The following AGBL4 variants were observed in gnomAD, a reference collection of about 807,000 sequenced individuals.
The protein encoded by AGBL4 is cytosolic carboxypeptidase 6.
In AGBL4, 58 loss-of-function variants were observed where a neutral mutation model predicts 66.4. The ratio of observed to expected loss-of-function variants is 0.87; its 90% CI spans 0.71 to 1.09. The LOEUF is 1.09. AGBL4 is among the 50% of genes least tolerant of loss of function. The probability of loss-of-function intolerance (pLI) is 0.00; values close to 1 mark genes in which losing one functional copy is unlikely to be tolerated. For missense variants in AGBL4, 579 were observed against 631.0 expected (o/e 0.92, Z 0.88); for synonymous variants, 234 against 222.9 (o/e 1.05, Z -0.44).
At chr1:49,877,657 A>G (rs1252474906) in intron 1 of AGBL4, among the ~76,000 whole-genome samples, 2 of 151,982 alleles carry the variant, frequency 1.3e-5, no homozygotes, top group East Asian at 1.9e-4. Context: ...TTGGTATCAG[A>G]ATGATGCTGG....
At chr1:49,764,315 C>A (rs1652573834) in intron 2 of AGBL4, among the ~76,000 whole-genome samples, 1 of 152,166 alleles carries the variant, frequency 6.6e-6, no homozygotes, top group South Asian at 2.1e-4. Flanking sequence ...CCCTAGCCCT[C>A]CCGAATGAAA....
At chr1:49,058,558 G>A (rs750650725) in intron 4 of AGBL4, among the ~76,000 whole-genome samples, 3 of 152,176 alleles carry the variant, frequency 2.0e-5, no homozygotes, top group Non-Finnish European at 4.4e-5. Flanking sequence ...CTTCATAGCA[G>A]CCTGAGAAAG....
chr1:48,955,865 G>A (rs1657409522), intron 5 of AGBL4, among the ~76,000 whole-genome samples: 1 of 152,260 alleles, frequency 6.6e-6, no homozygotes, highest in South Asian at 2.1e-4. Flanking sequence ...TAACACAGGT[G>A]TAAAATGTCC....
intron 6 of AGBL4, among the ~76,000 whole-genome samples, chr1:48,807,031 G>T (rs992591802): frequency 6.6e-6 from 1 of 152,140 alleles, no homozygotes; most frequent in East Asian, 1.9e-4. Context: ...GTTAGTATAC[G>T]TAAGTTCTTC....
At chr1:49,577,821 A>G (rs530796739) in intron 3 of AGBL4, among the ~76,000 whole-genome samples, 62 of 152,332 alleles carry the variant, frequency 4.1e-4, no homozygotes, top group African/African-American at 1.5e-3. Flanking sequence ...TACAATGCCA[A>G]CTAGGTTACA....
In AGBL4 at chr1:48,864,841, A is replaced by T. The variant is rs59728902; in HGVS notation, c.634+2350T>A. On this transcript the variant is annotated intron_variant, in intron 6 of 13. Transcript: ENST00000371839. ...GTTACATTTATAATTTTCGTCCAAA[A>T]ATAGGTGACTCTGGCATATAAGACA... is the stretch of plus-strand genomic sequence containing the variant. Among the ~76,000 whole-genome samples, 11 of 152,222 alleles carry T rather than the reference A, an allele frequency of 7.2e-5. No homozygotes were observed. The East Asian group carries it at 2.1e-3, about 29-fold the overall frequency.
At chr1:49,605,609 T>A (rs1026982740) in intron 3 of AGBL4, among the ~76,000 whole-genome samples, 7 of 152,182 alleles carry the variant, frequency 4.6e-5, no homozygotes, top group Admixed American at 3.9e-4. Flanking sequence ...GCAGCTAAAT[T>A]TCAGTTAACT....
intron 6 of AGBL4, among the ~76,000 whole-genome samples, chr1:48,864,133 T>C (rs1328868260): frequency 6.6e-6 from 1 of 151,924 alleles, no homozygotes; most frequent in African/African-American, 2.4e-5. Flanking sequence ...ATAAAGGATA[T>C]GAAAAATCAA....
At chr1:49,547,962 C>CG (rs1217389741) in intron 3 of AGBL4, among the ~76,000 whole-genome samples, 1 of 151,830 alleles carries the variant, frequency 6.6e-6, no homozygotes, top group Non-Finnish European at 1.5e-5. Flanking sequence ...TTAGTAGAGA[C>CG]GGGGTTTCAC....
intron 5 of AGBL4, among the ~76,000 whole-genome samples, chr1:48,983,965 G>GC: frequency 1.3e-5 from 2 of 152,258 alleles, no homozygotes; most frequent in African/African-American, 4.8e-5. Flanking sequence ...AGGGAACACA[G>GC]CAAGGAAGGA....
At chr1:49,717,317 G>C (rs915540318) in intron 2 of AGBL4, among the ~76,000 whole-genome samples, 1 of 152,058 alleles carries the variant, frequency 6.6e-6, no homozygotes, top group South Asian at 2.1e-4. Flanking sequence ...TCCCCATCAA[G>C]CTACCACTGA....
intron 1 of AGBL4, among the ~76,000 whole-genome samples, chr1:49,864,230 AAG>A (rs1646645460): frequency 6.6e-6 from 1 of 152,162 alleles, no homozygotes; most frequent in Non-Finnish European, 1.5e-5. Flanking sequence ...CTAATAGACA[AAG>A]AGAGTAGAAG....
intron 4 of AGBL4, among the ~76,000 whole-genome samples, chr1:49,093,329 T>A (rs1025431637): frequency 3.3e-5 from 5 of 152,156 alleles, no homozygotes; most frequent in African/African-American, 9.7e-5. Context: ...TTTGAAATTT[T>A]AAAAATTCTT....
chr1:48,649,109 A>G (rs1205310227), intron 8 of AGBL4, among the ~76,000 whole-genome samples: 1 of 152,262 alleles, frequency 6.6e-6, no homozygotes, highest in African/African-American at 2.4e-5. Context: ...TACAGAGAAC[A>G]AGGTAAACAA....
intron 3 of AGBL4, among the ~76,000 whole-genome samples, chr1:49,399,640 C>G (rs1645042979): frequency 1.3e-5 from 2 of 152,104 alleles, no homozygotes; most frequent in Admixed American, 6.6e-5. Flanking sequence ...ACTTGTATGT[C>G]TTCTTTTCAG....
intron 3 of AGBL4, among the ~76,000 whole-genome samples, chr1:49,416,050 T>A (rs190521597): frequency 2.0e-5 from 3 of 152,244 alleles, no homozygotes; most frequent in Non-Finnish European, 4.4e-5. Context: ...GGGGTCAATG[T>A]CAAAAATATC....
rs1558093718 is a variant in AGBL4, at chr1:49,603,971, CA to C, written c.282+93341del. Among the ~76,000 whole-genome samples, 12 of 143,638 alleles carry C rather than the reference CA, an allele frequency of 8.4e-5. 1 individual carries two copies. Among genetic ancestry groups the C allele is most frequent in the African/African-American group, 3.4e-4 (12 of 35,642 alleles). 94.2% of individuals were successfully genotyped at this position (143,638 alleles called of 152,430 possible). A position where few individuals can be genotyped will look rare whatever the true frequency, so the allele number is the denominator to read the frequency against. On this transcript the variant is annotated intron_variant, in intron 3 of 13. Transcript: ENST00000371839. ...ACACACACACACACACACACACACA[CA>C]CACACACACCACATTTTAGATTGAT... is the stretch of plus-strand genomic sequence containing the variant.
chr1:49,650,722 G>A (rs1320436712), intron 3 of AGBL4, among the ~76,000 whole-genome samples: 6 of 152,224 alleles, frequency 3.9e-5, no homozygotes, highest in African/African-American at 1.4e-4. Flanking sequence ...CTGCCCCTAG[G>A]AGATGGAGGA....
At chr1:49,427,122 G>A (rs1294782206) in intron 3 of AGBL4, among the ~76,000 whole-genome samples, 24 of 151,916 alleles carry the variant, frequency 1.6e-4, no homozygotes, top group Admixed American at 1.6e-3. Flanking sequence ...ACAAGCAGAA[G>A]GAAAGAAAGA....
Sources: allele counts gnomAD v4.1 joint callset (sites outside exome capture counted in the v4.1 genomes callset), GRCh38; gene constraint gnomAD v4.1.1; transcripts MANE v1.5; gene names NCBI Gene and HGNC (gene_info 2026-07-23, HGNC 2026-07-21).